The following HIPK1 variants were observed in gnomAD, a reference collection of about 807,000 sequenced individuals.
HIPK1 encodes the protein homeodomain interacting protein kinase 1.
Under a neutral mutation model 117.1 loss-of-function variants are expected in HIPK1, and 28 were observed. That is an observed-to-expected ratio of 0.24 (90% CI 0.18 to 0.33). The LOEUF is 0.33. Among genes scored for constraint, HIPK1 ranks in the 10% least tolerant of loss-of-function variants. The pLI is 1.00. For missense variants in HIPK1, 1,122 were observed against 1,475.1 expected (o/e 0.76, Z 3.92); for synonymous variants, 605 against 562.5 (o/e 1.08, Z -1.07).
At chr1:113,931,126 C>T (rs2101104979) in intron 1 of HIPK1, among the ~76,000 whole-genome samples, 2 of 149,330 alleles carry the variant, frequency 1.3e-5, no homozygotes, top group South Asian at 2.1e-4. Flanking sequence ...CTACAATTTT[C>T]CTTTTGTTTG....
At chr1:113,968,230 G>C (rs1231075580) in intron 12 of HIPK1, among the ~76,000 whole-genome samples, 1 of 152,142 alleles carries the variant, frequency 6.6e-6, no homozygotes, top group Non-Finnish European at 1.5e-5. Context: ...GCTTATAAAA[G>C]TAAAATGTCT....
rs772930419 is a variant in HIPK1, at chr1:113,973,288, G to C, written c.3409G>C (p.Gly1137Arg). Residue 1137 changes from glycine to arginine, a missense_variant, in exon 16 of 16, where the codon GGT becomes CGT. Transcript: ENST00000426820. ...CATTGCTCATCTTTTCTCCCCACAG[G>C]GTTCCTCAAGGCATGCTGCAGCCTA... ...SSIAHLFSPQ[G>R]SSRHAAAYTT... The C allele has an allele frequency of 4.3e-6, 7 of 1,614,070 alleles. No homozygotes were observed. The highest frequency in any genetic ancestry group is 5.9e-6 in the Non-Finnish European group (7 of 1,180,000).
chr1:113,952,694 A>C lies in HIPK1; in HGVS notation c.1077-72A>C, dbSNP rs1671445246. 3.5e-6 allele frequency: 4 copies of C among 1,149,038 alleles called. No homozygotes were observed. In the South Asian group the frequency reaches 1.1e-4, roughly 30 times the overall value. 71.2% of individuals were successfully genotyped at this position (1,149,038 alleles called of 1,614,324 possible). On this transcript the variant is annotated intron_variant, in intron 2 of 15. Transcript: ENST00000426820. Reference sequence around the variant, plus strand: ...TTCCTTTAGCTAATACTAAAACAGGACTTAGTCATGTAGTTAATTTTCCCA... The same window carrying C: ...TTCCTTTAGCTAATACTAAAACAGGCCTTAGTCATGTAGTTAATTTTCCCA...
At chr1:113,963,239 G>A in intron 9 of HIPK1, 148 bp from the exon 10 acceptor site, 2 of 865,936 alleles carry the variant, frequency 2.3e-6, no homozygotes, top group Non-Finnish European at 3.5e-6. Context: ...AAAGTTGAAG[G>A]GGGAAAGTTG....
At chr1:113,942,902 CAT>C (rs931474616) in intron 2 of HIPK1, among the ~76,000 whole-genome samples, 1 of 152,042 alleles carries the variant, frequency 6.6e-6, no homozygotes, top group Non-Finnish European at 1.5e-5. Context: ...ATAATAAAAA[CAT>C]AGATAACCTA....
At chr1:113,936,063 G>A (rs1359333991) in intron 1 of HIPK1, among the ~76,000 whole-genome samples, 1 of 152,208 alleles carries the variant, frequency 6.6e-6, no homozygotes, top group East Asian at 1.9e-4. Flanking sequence ...GAGTTTCAGA[G>A]TAGAATATAA....
At chr1:113,930,262 T>C (rs879678787) in intron 1 of HIPK1, among the ~76,000 whole-genome samples, 54 of 152,342 alleles carry the variant, frequency 3.5e-4, no homozygotes, top group Non-Finnish European at 6.6e-4. Flanking sequence ...TCGGCCGGTT[T>C]TTTCCCCGGC....
At chr1:113,964,550 C>T (rs1672327498) in intron 10 of HIPK1, among the ~76,000 whole-genome samples, 1 of 152,138 alleles carries the variant, frequency 6.6e-6, no homozygotes, top group Admixed American at 6.5e-5. Context: ...CTATTGAATC[C>T]TGTTATTTCT....
In HIPK1 at chr1:113,940,446, G is replaced by A. The variant is rs373499047; in HGVS notation, c.63G>A (p.Ala21=). 24 of 1,613,994 alleles carry A rather than the reference G, an allele frequency of 1.5e-5. No homozygotes were observed. The African/African-American group carries it at 2.5e-4, about 17-fold the overall frequency. ...PSVSSSAFCS[A]KKLKIEPSGW... ...TGTCGTCGAGTGCCTTCTGCAGTGC[G>A]AAGAAACTGAAAATAGAGCCCTCTG... The change falls in exon 2 of 16, where the codon GCG becomes GCA. Residue 21 remains alanine, a synonymous_variant. Coordinates refer to ENST00000426820, the MANE Select transcript of HIPK1 (RefSeq NM_198268.3).
chr1:113,933,500 CT>C (rs539972879), intron 1 of HIPK1, among the ~76,000 whole-genome samples: 30 of 147,224 alleles, frequency 2.0e-4, no homozygotes, highest in South Asian at 1.5e-3. Flanking sequence ...GATAGGTACA[CT>C]TTTTTTTTTT....
At chr1:113,943,655 T>C (rs2101195637) in intron 2 of HIPK1, among the ~76,000 whole-genome samples, 1 of 152,366 alleles carries the variant, frequency 6.6e-6, no homozygotes, top group African/African-American at 2.4e-5. Context: ...GGAGTGGAAT[T>C]GCTGGGTCAC....
At chr1:113,930,195 C>T (rs1280279684) in intron 1 of HIPK1, among the ~76,000 whole-genome samples, 1 of 152,276 alleles carries the variant, frequency 6.6e-6, no homozygotes, top group Non-Finnish European at 1.5e-5. Context: ...CCTCCTGCCA[C>T]TTCTCGCCTG....
chr1:113,958,288 C>G lies in HIPK1; in HGVS notation c.1978C>G (p.Gln660Glu). The change falls in exon 8 of 16, where the codon CAA becomes GAA. Residue 660 changes from glutamine (Q) to glutamate (E), a missense_variant. This residue lies in a region of HIPK1 where 731 missense variants were observed against 860.4 expected (regional missense o/e 0.85). Transcript: ENST00000426820. ...ATTTATAGTATGTCCACCTGCGTTT[C>G]AAAGTAAGTGGGGAAACTCCTGTAT... ...QTFIVCPPAF[Q>E]TGLQATTKHS... 1 of 1,607,770 alleles carries G rather than the reference C, an allele frequency of 6.2e-7. No individual in the cohort carries two copies. Among genetic ancestry groups the G allele is most frequent in the Non-Finnish European group, 8.5e-7 (1 of 1,174,790 alleles).
chr1:113,930,002 C>T, intron 1 of HIPK1: 1 of 985,128 alleles, frequency 1.0e-6, no homozygotes, highest in Non-Finnish European at 1.2e-6. Context: ...CTCCCTGAGG[C>T]GGGGCCGGGC....
In HIPK1 at chr1:113,968,576, G is replaced by A; in HGVS notation, c.2699G>A (p.Ser900Asn). Residue 900 changes from serine (S) to asparagine (N), a missense_variant, in exon 13 of 16, where the codon AGC (serine) becomes AAC (asparagine). By Grantham distance (46) the Ser-to-Asn change is conservative. Transcript: ENST00000426820. ...CCCATCATCATTCCAGATACTCCCA[G>A]CCCTCCTGTGAGTGTCATCACTATC... Reference protein sequence around the residue: ...HQPIIIPDTPSPPVSVITIRS... With the variant: ...HQPIIIPDTPNPPVSVITIRS... 1 of 1,614,142 alleles carries A rather than the reference G, an allele frequency of 6.2e-7. No homozygotes were observed.
rs1217440 is a variant in HIPK1 at position 113,932,387 on chromosome 1, T to A, written c.-3+2855T>A. 7.0e-3 allele frequency among the ~76,000 whole-genome samples: 1,054 copies of A among 150,756 alleles called. 7 individuals carry two copies. The highest frequency in any genetic ancestry group is 0.025 in the African/African-American group (1,014 of 41,054). On this transcript the variant is annotated intron_variant, in intron 1 of 15. Coordinates refer to ENST00000426820, the MANE Select transcript of HIPK1 (RefSeq NM_198268.3). ...TTGGATCTGTTTTTTTTTTTTTTTTTTTTTATTTGAGACAAGATCTCGCCC... is the reference window on the plus strand; with the variant it reads ...TTGGATCTGTTTTTTTTTTTTTTTTATTTTATTTGAGACAAGATCTCGCCC...
Position 113,938,130 on chromosome 1 carries a change from T to A in HIPK1, c.-2-2252T>A, listed in dbSNP as rs955001383. Among the ~76,000 whole-genome samples, 32 of 129,348 alleles carry A rather than the reference T, an allele frequency of 2.5e-4. No homozygotes were observed. The South Asian group carries it at 7.3e-3, about 29-fold the overall frequency. The allele number at this position is 129,348 out of a possible 152,430, so 84.9% of individuals were successfully genotyped here. ...CAGGCATGTGCCACTTACACTTGGC[T>A]TTTTTTTTTTTTTTTTCCCGGTAGA... On this transcript the variant is annotated intron_variant, in intron 1 of 15. Transcript: ENST00000426820.
chr1:113,932,685 G>A (rs1248591960), intron 1 of HIPK1, among the ~76,000 whole-genome samples: 1 of 152,106 alleles, frequency 6.6e-6, no homozygotes, highest in Non-Finnish European at 1.5e-5. Flanking sequence ...GGCCTGGATC[G>A]CCTTTTTCTC....
chr1:113,950,185 A>G (rs1335973629), intron 2 of HIPK1, among the ~76,000 whole-genome samples: 1 of 151,994 alleles, frequency 6.6e-6, no homozygotes, highest in African/African-American at 2.4e-5. Context: ...GGGAAATTAT[A>G]TTCTCCTTGC....
Sources: allele counts gnomAD v4.1 joint callset (sites outside exome capture counted in the v4.1 genomes callset), GRCh38; gene constraint gnomAD v4.1.1; regional missense constraint gnomAD v4.1.1; transcripts MANE v1.5; gene names NCBI Gene and HGNC (gene_info 2026-07-23, HGNC 2026-07-21).